USP18: variants seen among roughly 807,000 people sequenced by gnomAD.
USP18 encodes ubl carboxyl-terminal hydrolase 18.
A neutral mutation model predicts 48.7 loss-of-function variants in USP18; 11 were observed. That is an observed-to-expected ratio of 0.23 (90% CI 0.14 to 0.37). The LOEUF is 0.37. Ranked by LOEUF, USP18 falls within the 10% of genes least tolerant of loss-of-function variation. The pLI, the probability that USP18 is intolerant of heterozygous loss-of-function variation, is 1.00. For missense variants in USP18, 285 were observed against 436.4 expected, an observed-to-expected ratio of 0.65 and a Z score of 3.09; for synonymous variants, 114 against 163.2, an observed-to-expected ratio of 0.70 and a Z score of 2.30.
Position 18,155,536 on chromosome 22 carries a change from G to T in USP18, c.-106-2022G>T, listed in dbSNP as rs537166969. Among the ~76,000 whole-genome samples the T allele has an allele frequency of 3.5e-3, 540 of 152,330 alleles. 6 individuals carry two copies. Among genetic ancestry groups the T allele is most frequent in the African/African-American group, 0.012 (514 of 41,582 alleles). On this transcript the variant is annotated intron_variant, in intron 1 of 10. Coordinates refer to ENST00000215794, the MANE Select transcript of USP18 (RefSeq NM_017414.4). Reference sequence around the variant, plus strand: ...GGGGAGGTGTGGAGGGAGAGGCAGGGGCGGGAACTGGGGCTGCACGCGGTG... The same window carrying T: ...GGGGAGGTGTGGAGGGAGAGGCAGGTGCGGGAACTGGGGCTGCACGCGGTG...
chr22:18,174,683 G>A (rs180882368), intron 10 of USP18, among the ~76,000 whole-genome samples: 1 of 151,828 alleles, frequency 6.6e-6, no homozygotes, highest in Non-Finnish European at 1.5e-5. Context: ...TGAACTCCTG[G>A]GCACAGGTGA....
intron 8 of USP18, among the ~76,000 whole-genome samples, chr22:18,171,565 G>C (rs1341801599): frequency 6.6e-6 from 1 of 151,770 alleles, no homozygotes; most frequent in Non-Finnish European, 1.5e-5. Context: ...CCAGGAGTTT[G>C]AGGCTGCAGT....
intron 1 of USP18, among the ~76,000 whole-genome samples, chr22:18,154,729 C>T (rs1569208046): frequency 6.6e-6 from 1 of 152,204 alleles, no homozygotes; most frequent in African/African-American, 2.4e-5. Flanking sequence ...GCCTGAGCCA[C>T]CATGCCAGGC....
At chr22:18,157,929 G>T (rs1929216891) in intron 2 of USP18, 109 bp downstream of exon 2, 1 of 1,437,382 alleles carries the variant, frequency 7.0e-7, no homozygotes, top group African/African-American at 1.4e-5. Flanking sequence ...ATGCTTTCCT[G>T]TGCCTGAGTT....
At chr22:18,158,139 T>C (rs1005638987) in intron 2 of USP18, among the ~76,000 whole-genome samples, 8 of 151,946 alleles carry the variant, frequency 5.3e-5, no homozygotes, top group Non-Finnish European at 1.0e-4. Context: ...AATACAAAAA[T>C]TAGCTGGGCG....
At chr22:18,173,512 A>G (rs1227870825) in intron 9 of USP18, among the ~76,000 whole-genome samples, 3 of 152,210 alleles carry the variant, frequency 2.0e-5, no homozygotes, top group Admixed American at 2.0e-4. Flanking sequence ...CTCTAGGCTC[A>G]TGCTCTGCAG....
chr22:18,155,008 A>C (rs1929091579), intron 1 of USP18, among the ~76,000 whole-genome samples: 1 of 152,222 alleles, frequency 6.6e-6, no homozygotes, highest in Non-Finnish European at 1.5e-5. Context: ...CTCTAAGCCC[A>C]GCATCACTGT....
chr22:18,156,968 C>A (rs1201618655), intron 1 of USP18, among the ~76,000 whole-genome samples: 1 of 152,224 alleles, frequency 6.6e-6, no homozygotes, highest in African/African-American at 2.4e-5. Flanking sequence ...GGAGGGTACA[C>A]GGGTACCCCT....
chr22:18,167,747 T>C (rs1929517152), intron 5 of USP18, 143 bp from the exon 6 acceptor site: 7 of 925,626 alleles, frequency 7.6e-6, no homozygotes, highest in Non-Finnish European at 1.1e-5. Context: ...ATAAAACACT[T>C]ATCACAGTTT....
intron 2 of USP18, 123 bp downstream of exon 2, chr22:18,157,943 G>A (rs1238524359): frequency 3.0e-6 from 4 of 1,348,458 alleles, no homozygotes; most frequent in Admixed American, 4.7e-5. Flanking sequence ...CTGAGTTTCT[G>A]CATCTTTTAG....
At chr22:18,172,655 G>A (rs1442444154) in intron 8 of USP18, among the ~76,000 whole-genome samples, 2 of 151,208 alleles carry the variant, frequency 1.3e-5, no homozygotes, top group African/African-American at 2.4e-5. Flanking sequence ...TACAGATATT[G>A]CCCTGCATTT....
intron 9 of USP18, 113 bp from the exon 10 acceptor site, chr22:18,173,680 G>T: frequency 2.0e-6 from 3 of 1,474,806 alleles, no homozygotes. Flanking sequence ...CAGGCTCTTG[G>T]GAGTTGCTAG....
At chr22:18,161,971 T>C in intron 4 of USP18, 36 bp downstream of exon 4, 1 of 1,582,130 alleles carries the variant, frequency 6.3e-7, no homozygotes, top group Non-Finnish European at 8.6e-7. Flanking sequence ...TGGCTGCTGA[T>C]CCAAAGGGGA....
At chr22:18,154,730 C>G (rs1929085089) in intron 1 of USP18, among the ~76,000 whole-genome samples, 1 of 152,204 alleles carries the variant, frequency 6.6e-6, no homozygotes, top group African/African-American at 2.4e-5. Flanking sequence ...CCTGAGCCAC[C>G]ATGCCAGGCC....
rs571501916 is a variant in USP18 at position 18,169,987 on chromosome 22, G to C, written c.723+48G>C. 722 of 1,544,934 alleles carry C rather than the reference G, an allele frequency of 4.7e-4. 2 individuals are homozygous for C. The African/African-American group carries it at 8.5e-3, about 18-fold the overall frequency. ...TCAGCTGTCCCTCGGTGCATATGGG[G>C]GATTTGTTCCAGGACCCCTGCTTTT... is the stretch of plus-strand genomic sequence containing the variant. On this transcript the variant is annotated intron_variant, in intron 7 of 10. Transcript: ENST00000215794.
chr22:18,156,101 C>T (rs1039538445), intron 1 of USP18, among the ~76,000 whole-genome samples: 3 of 152,222 alleles, frequency 2.0e-5, no homozygotes, highest in African/African-American at 4.8e-5. Flanking sequence ...AGTCGACCCT[C>T]TGAATCTAGC....
chr22:18,150,380 AT>A (rs1030726923), intron 1 of USP18, among the ~76,000 whole-genome samples, 158 bp downstream of exon 1: 4 of 152,194 alleles, frequency 2.6e-5, no homozygotes, highest in African/African-American at 9.7e-5. Flanking sequence ...GGGCCAGTGA[AT>A]TTTTTTCTAA....
At chr22:18,173,883 C>A (rs779971710) in intron 10 of USP18, 41 bp downstream of exon 10, 1 of 1,525,032 alleles carries the variant, frequency 6.6e-7, no homozygotes, top group African/African-American at 1.4e-5. Context: ...GATGAGCTCA[C>A]ATAGGGTCCT....
At chr22:18,156,376 C>T (rs1031871805) in intron 1 of USP18, among the ~76,000 whole-genome samples, 3 of 152,230 alleles carry the variant, frequency 2.0e-5, no homozygotes, top group African/African-American at 4.8e-5. Flanking sequence ...AGGTTTCCTT[C>T]CATGCTGTGG....
Sources: gnomAD v4.1 joint callset for allele counts (sites outside exome capture counted in the v4.1 genomes callset) on GRCh38, gnomAD v4.1.1 for gene constraint, MANE v1.5 for transcripts, NCBI Gene and HGNC (gene_info 2026-07-23, HGNC 2026-07-21) for gene names.